The following AFAP1L2 variants were observed in gnomAD, a reference collection of about 807,000 sequenced individuals.
AFAP1L2 encodes the protein actin filament-associated protein 1-like 2.
Under a neutral mutation model 99.3 loss-of-function variants are expected in AFAP1L2, and 46 were observed. That is an observed-to-expected ratio of 0.46 (90% CI 0.37 to 0.59). AFAP1L2 has a LOEUF of 0.59. Among genes scored for constraint, AFAP1L2 ranks in the 20% least tolerant of loss-of-function variants. AFAP1L2 has a pLI of 0.00. For synonymous variants in AFAP1L2, 397 were observed against 419.1 expected (o/e 0.95, Z 0.64); for missense variants, 959 against 1,034.9 (o/e 0.93, Z 1.01).
intron 7 of AFAP1L2, among the ~76,000 whole-genome samples, chr10:114,310,966 C>G (rs944963688): frequency 1.3e-5 from 2 of 149,950 alleles, no homozygotes; most frequent in Admixed American, 6.6e-5. Context: ...CCCACCCGCC[C>G]GCCCGCCTCT....
chr10:114,390,739 A>T (rs1436542365), intron 1 of AFAP1L2, among the ~76,000 whole-genome samples: 6 of 151,968 alleles, frequency 3.9e-5, no homozygotes, highest in Non-Finnish European at 5.9e-5. Context: ...AAAAAAAAAA[A>T]AAAAATCCTA....
intron 12 of AFAP1L2, 127 bp from the exon 13 acceptor site, chr10:114,301,592 T>TGACA: frequency 1.5e-6 from 1 of 678,954 alleles, no homozygotes; most frequent in Non-Finnish European, 2.7e-6. Context: ...ATCTGGGGGC[T>TGACA]GACACTCACC....
intron 2 of AFAP1L2, among the ~76,000 whole-genome samples, chr10:114,339,038 A>G (rs1044910641): frequency 2.0e-5 from 3 of 152,216 alleles, no homozygotes; most frequent in Non-Finnish European, 4.4e-5. Context: ...CACCAGCCTC[A>G]CAGGGATGTC....
downstream of AFAP1L2, chr10:114,291,087 C>A: frequency 9.5e-7 from 1 of 1,052,946 alleles, no homozygotes; most frequent in Non-Finnish European, 1.4e-6. Context: ...GGTCTCTAAT[C>A]TGGCATCTTC....
chr10:114,348,284 A>G (rs149787809), intron 1 of AFAP1L2, among the ~76,000 whole-genome samples: 56 of 152,200 alleles, frequency 3.7e-4, no homozygotes, highest in Non-Finnish European at 6.6e-4. Context: ...TTACTGTGAA[A>G]TTCTATTTGT....
chr10:114,395,084 T>C (rs2057553739), intron 1 of AFAP1L2, among the ~76,000 whole-genome samples: 1 of 152,178 alleles, frequency 6.6e-6, no homozygotes, highest in South Asian at 2.1e-4. Context: ...CCAGCTGCCC[T>C]GCACTAGGCA....
At chr10:114,348,373 A>C (rs557326001) in intron 1 of AFAP1L2, among the ~76,000 whole-genome samples, 1 of 152,318 alleles carries the variant, frequency 6.6e-6, no homozygotes, top group East Asian at 1.9e-4. Flanking sequence ...TTTTATAGGC[A>C]GCCCTCTCCC....
chr10:114,340,630 G>A lies in AFAP1L2; in HGVS notation c.118C>T (p.Leu40Phe). 1 of 1,614,232 alleles carries A rather than the reference G, an allele frequency of 6.2e-7. No individual in the cohort carries two copies. Among genetic ancestry groups the A allele is most frequent in the Non-Finnish European group, 8.5e-7 (1 of 1,180,044 alleles). ...CTGCTTTTGGTGTAAAGCCGGAGGA[G>A]CTCCGCCAGGCAGCTCTTCTTCACC... ...ALVKKSCLAE[L>F]LRLYTKSSSS... The change falls in exon 2 of 19, where the codon CTC (leucine) becomes TTC (phenylalanine). Residue 40 changes from leucine (L) to phenylalanine (F), a missense_variant. Physicochemically the swap from Leu to Phe is conservative, Grantham distance 22. Transcript: ENST00000304129.
At chr10:114,310,217 C>A in intron 8 of AFAP1L2, 137 bp downstream of exon 8, 3 of 896,090 alleles carry the variant, frequency 3.3e-6, no homozygotes, top group Non-Finnish European at 5.0e-6. Context: ...GTGAGCCCAC[C>A]CTGCCCGGCC....
rs1484972661 is a variant in AFAP1L2, at chr10:114,404,458, G to C, written c.-3C>G. ...CCCTCACCTTTGTACCGCTCCATCGGGGCCACGGAGTGCGCTCCTCGCGGC... is the reference window on the plus strand; with the variant it reads ...CCCTCACCTTTGTACCGCTCCATCGCGGCCACGGAGTGCGCTCCTCGCGGC... On this transcript the variant is annotated 5_prime_UTR_variant, in exon 1 of 19. Transcript: ENST00000304129. 1.3e-6 allele frequency: 2 copies of C among 1,540,058 alleles called. No homozygotes were observed. Among genetic ancestry groups the C allele is most frequent in the South Asian group, 2.4e-5 (2 of 83,874 alleles).
At chr10:114,365,415 A>ATGTT (rs2053074362) in intron 1 of AFAP1L2, among the ~76,000 whole-genome samples, 1 of 152,214 alleles carries the variant, frequency 6.6e-6, no homozygotes. Flanking sequence ...GATCCAGAAT[A>ATGTT]TGTTTCAAAT....
chr10:114,380,188 T>A (rs1265497515), intron 1 of AFAP1L2, among the ~76,000 whole-genome samples: 1 of 152,250 alleles, frequency 6.6e-6, no homozygotes, highest in Non-Finnish European at 1.5e-5. Flanking sequence ...CTCACCACAG[T>A]CCTTCTACCA....
rs62641717 is a variant in AFAP1L2, at chr10:114,300,558, A to T, written c.1675T>A (p.Ser559Thr). The change falls in exon 14 of 19, where the codon TCC becomes ACC. Residue 559 changes from serine (S) to threonine (T), a missense_variant. By Grantham distance (58) the Ser-to-Thr change is moderately conservative. This residue lies in a region of AFAP1L2 where 576 missense variants were observed against 562.1 expected (regional missense o/e 1.02). Coordinates refer to ENST00000304129, the MANE Select transcript of AFAP1L2 (RefSeq NM_001001936.3). ...GPSSAQAQAS[S>T]PTLSCLDNAT... ...TTGTCCAGGCAGGACAACGTCGGGGAGGAGGCCTGGGCCTGTGCACTGCTG... is the reference window on the plus strand; with the variant it reads ...TTGTCCAGGCAGGACAACGTCGGGGTGGAGGCCTGGGCCTGTGCACTGCTG... 1.3e-3 allele frequency: 2,084 copies of T among 1,614,044 alleles called. 18 individuals carry two copies. The African/African-American group carries it at 0.024, about 18-fold the overall frequency.
intron 4 of AFAP1L2, 106 bp from the exon 5 acceptor site, chr10:114,323,367 G>A: frequency 1.1e-6 from 1 of 937,258 alleles, no homozygotes; most frequent in South Asian, 1.5e-5. Context: ...TGCCCAGCTG[G>A]ACTTTAAACT....
At chr10:114,352,125 T>A (rs2050600567) in intron 1 of AFAP1L2, among the ~76,000 whole-genome samples, 1 of 152,090 alleles carries the variant, frequency 6.6e-6, no homozygotes, top group East Asian at 1.9e-4. Flanking sequence ...GAAAAAACTC[T>A]CCATAGACTG....
chr10:114,357,749 C>A (rs1242438182), intron 1 of AFAP1L2, among the ~76,000 whole-genome samples: 2 of 152,152 alleles, frequency 1.3e-5, no homozygotes, highest in Non-Finnish European at 2.9e-5. Context: ...GTAGCTGTGT[C>A]CCTCAAATAG....
the AFAP1L2 span, chr10:114,284,733 T>C: frequency 2.7e-5 from 22 of 807,282 alleles, no homozygotes; most frequent in Non-Finnish European, 4.0e-5. Context: ...GATTTCCTGG[T>C]GGACTGTGGG....
intron 5 of AFAP1L2, chr10:114,319,595 G>A (rs2044769373): frequency 1.6e-5 from 20 of 1,289,592 alleles, no homozygotes; most frequent in Non-Finnish European, 2.0e-5. Context: ...ACTCCTTCGG[G>A]CACCTGCACC....
chr10:114,317,388 A>G (rs2044305122), intron 5 of AFAP1L2, among the ~76,000 whole-genome samples: 1 of 152,208 alleles, frequency 6.6e-6, no homozygotes, highest in South Asian at 2.1e-4. Context: ...AAGACTGAAA[A>G]TAGCAGTATT....
Sources: allele counts gnomAD v4.1 joint callset (sites outside exome capture counted in the v4.1 genomes callset), GRCh38; gene constraint gnomAD v4.1.1; regional missense constraint gnomAD v4.1.1; transcripts MANE v1.5; gene names NCBI Gene and HGNC (gene_info 2026-07-23, HGNC 2026-07-21).